Variants in ADA observed in about 807,000 individuals in gnomAD.
The protein encoded by ADA is adenosine deaminase, also known as adenosine aminohydrolase.
Under a neutral mutation model 49.0 loss-of-function variants are expected in ADA, and 45 were observed. The observed-to-expected ratio is 0.92, with a 90% CI of 0.72 to 1.18. The LOEUF is 1.18. ADA is among the 50% of genes most tolerant of loss of function. The pLI is 0.00. For synonymous variants in ADA, 173 were observed against 184.2 expected, an observed-to-expected ratio of 0.94 and a Z score of 0.49; for missense variants, 445 against 472.5, an observed-to-expected ratio of 0.94 and a Z score of 0.54.
At chr20:44,620,584 T>G (rs2123508828) in intron 10 of ADA, 183 bp from the exon 11 acceptor site, 1 of 666,022 alleles carries the variant, frequency 1.5e-6, no homozygotes. Context: ...TGTTCTTAAT[T>G]TGTCATTACA....
rs1455729635 is a variant in ADA, at chr20:44,620,372, G to C, written c.1005C>G (p.Leu335=). The C allele has an allele frequency of 5.6e-6, 9 of 1,614,104 alleles. No individual in the cohort carries two copies. The highest frequency in any genetic ancestry group is 1.3e-5 in the African/African-American group (1 of 74,936). ...LNINAAKSSF[L]PEDEKRELLD... Reference sequence around the variant, plus strand: ...GAAGCTCCCTCTTTTCATCTTCTGGGAGGAAACTAGATTTGGCCGCATTGA... The same window carrying C: ...GAAGCTCCCTCTTTTCATCTTCTGGCAGGAAACTAGATTTGGCCGCATTGA... The change falls in exon 11 of 12, where the codon CTC becomes CTG. Residue 335 remains leucine, a synonymous_variant. Transcript: ENST00000372874.
At chr20:44,639,284 A>C (rs1442746178) in intron 1 of ADA, among the ~76,000 whole-genome samples, 3 of 152,094 alleles carry the variant, frequency 2.0e-5, no homozygotes, top group Non-Finnish European at 4.4e-5. Context: ...GGTGGGGAGC[A>C]ATTCCCGCAG....
At chr20:44,632,236 G>A (rs1011735355) in intron 2 of ADA, among the ~76,000 whole-genome samples, 3 of 152,078 alleles carry the variant, frequency 2.0e-5, no homozygotes, top group African/African-American at 4.8e-5. Flanking sequence ...GGAAGCCGCG[G>A]GCATTGGAAG....
chr20:44,642,371 G>C (rs1473277644), intron 1 of ADA, among the ~76,000 whole-genome samples: 2 of 152,226 alleles, frequency 1.3e-5, no homozygotes, highest in Non-Finnish European at 2.9e-5. Flanking sequence ...ATAAGAAGCA[G>C]ACCAAGTGCT....
intron 1 of ADA, among the ~76,000 whole-genome samples, chr20:44,638,622 G>A (rs556310176): frequency 2.6e-5 from 4 of 152,252 alleles, no homozygotes; most frequent in South Asian, 2.1e-4. Flanking sequence ...GAAGGCCTGC[G>A]CTCCTGCTGG....
intron 1 of ADA, among the ~76,000 whole-genome samples, chr20:44,650,568 C>T (rs1373084816): frequency 2.0e-5 from 3 of 152,070 alleles, no homozygotes; most frequent in African/African-American, 4.8e-5. Flanking sequence ...GCTGGGACTA[C>T]GGGAGTGCAC....
chr20:44,628,752 G>T (rs1600927188), intron 3 of ADA, among the ~76,000 whole-genome samples: 5 of 151,982 alleles, frequency 3.3e-5, no homozygotes, highest in Admixed American at 3.3e-4. Context: ...CCTGAACTAG[G>T]AGATAGATGG....
Position 44,625,586 on chromosome 20 carries a change from C to A in ADA, c.461G>T (p.Cys154Phe). 1 of 1,585,124 alleles carries A rather than the reference C, an allele frequency of 6.3e-7. No homozygotes were observed. The highest frequency in any genetic ancestry group is 8.6e-7 in the Non-Finnish European group (1 of 1,165,906). The change falls in exon 5 of 12, where the codon TGC becomes TTC. Residue 154 changes from cysteine (C) to phenylalanine (F), a missense_variant. Physicochemically the swap from Cys to Phe is radical, Grantham distance 205. Coordinates refer to ENST00000372874, the MANE Select transcript of ADA (RefSeq NM_000022.4). ...FGVKARSILC[C>F]MRHQPNWSPK... ...CTACTCACTGGGCTGGTGGCGCATG[C>A]AGCACAGGATGGACCGGGCCTTGAC...
intron 2 of ADA, among the ~76,000 whole-genome samples, chr20:44,635,188 A>G (rs2065468956): frequency 6.6e-6 from 1 of 152,184 alleles, no homozygotes; most frequent in South Asian, 2.1e-4. Context: ...CTGGGTAGGA[A>G]GGGAAGAACC....
At chr20:44,630,520 CAGAACCCA>C (rs1297583097) in intron 2 of ADA, among the ~76,000 whole-genome samples, 4 of 152,088 alleles carry the variant, frequency 2.6e-5, no homozygotes, top group Non-Finnish European at 5.9e-5. Context: ...AGGGAACATT[CAGAACCCA>C]AGAACGAGCC....
rs1439032275 is a variant in ADA, at chr20:44,624,191, A to G, written c.606+11T>C. 2 of 1,606,392 alleles carry G rather than the reference A, an allele frequency of 1.2e-6. No individual in the cohort carries two copies. Among genetic ancestry groups the G allele is most frequent in the Non-Finnish European group, 1.7e-6 (2 of 1,176,040 alleles). Reference sequence around the variant, plus strand: ...AGGGCCAGCCTCTCCATTCCTTCTCACAGGACCCACCTGGTAGGCCTGGAC... The same window carrying G: ...AGGGCCAGCCTCTCCATTCCTTCTCGCAGGACCCACCTGGTAGGCCTGGAC... On this transcript the variant is annotated intron_variant, in intron 6 of 11. Transcript: ENST00000372874.
intron 1 of ADA, among the ~76,000 whole-genome samples, chr20:44,643,248 C>T (rs990564286): frequency 2.6e-5 from 4 of 152,134 alleles, no homozygotes; most frequent in African/African-American, 9.7e-5. Flanking sequence ...ATCCTTACAA[C>T]CAGCAAGGTA....
In ADA at chr20:44,623,084, A is replaced by C; in HGVS notation, c.607-6T>G. 1 of 1,613,974 alleles carries C rather than the reference A, an allele frequency of 6.2e-7. No individual in the cohort carries two copies. The highest frequency in any genetic ancestry group is 1.1e-5 in the South Asian group (1 of 91,078). On this transcript the variant is annotated splice_polypyrimidine_tract_variant and splice_region_variant and intron_variant, in intron 6 of 11. Coordinates refer to ENST00000372874, the MANE Select transcript of ADA (RefSeq NM_000022.4). ...ATGCCGCTCTTCACAGCCTCCTGGAAGGGGGAGAGCCAGGTCATGGGTGCC... is the reference window on the plus strand; with the variant it reads ...ATGCCGCTCTTCACAGCCTCCTGGACGGGGGAGAGCCAGGTCATGGGTGCC...
intron 1 of ADA, among the ~76,000 whole-genome samples, chr20:44,640,982 G>C (rs2145347709): frequency 6.6e-6 from 1 of 152,068 alleles, no homozygotes; most frequent in East Asian, 1.9e-4. Context: ...TTGGACTTCT[G>C]GCCCCCAGAA....
chr20:44,626,956 C>T (rs1255538288), intron 3 of ADA, among the ~76,000 whole-genome samples: 1 of 152,130 alleles, frequency 6.6e-6, no homozygotes, highest in Non-Finnish European at 1.5e-5. Context: ...AGCTTCCTGC[C>T]ACGGAGAGTG....
chr20:44,645,237 A>C (rs1326629797), intron 1 of ADA, among the ~76,000 whole-genome samples: 1 of 151,968 alleles, frequency 6.6e-6, no homozygotes, highest in African/African-American at 2.4e-5. Flanking sequence ...GTGTATCCCA[A>C]GTCCCAGCTA....
chr20:44,639,535 C>G (rs897019061), intron 1 of ADA, among the ~76,000 whole-genome samples: 2 of 152,124 alleles, frequency 1.3e-5, no homozygotes, highest in African/African-American at 4.8e-5. Context: ...GCCTCAGCCT[C>G]CCGAGTAGTT....
intron 1 of ADA, among the ~76,000 whole-genome samples, chr20:44,640,240 C>A (rs2065519143): frequency 1.3e-5 from 2 of 151,858 alleles, no homozygotes; most frequent in Admixed American, 6.6e-5. Flanking sequence ...ATGGTGAAAT[C>A]CCCTCTCTAT....
In ADA at chr20:44,651,695, C is replaced by T; in HGVS notation, c.-88G>A. 7.3e-7 allele frequency: 1 copy of T among 1,367,424 alleles called. No individual in the cohort carries two copies. The highest frequency in any genetic ancestry group is 9.4e-7 in the Non-Finnish European group (1 of 1,066,974). 84.7% of individuals were successfully genotyped at this position (1,367,424 alleles called of 1,614,324 possible). A position where few individuals can be genotyped will look rare whatever the true frequency, so the allele number is the denominator to read the frequency against. ...GGTGGCCGCTCGGCTTTCCCTGGGG[C>T]CAGCGGTGGCCGCGGCCGGCCACGC... On this transcript the variant is annotated 5_prime_UTR_variant, in exon 1 of 12. Transcript: ENST00000372874.
Sources: allele counts gnomAD v4.1 joint callset (sites outside exome capture counted in the v4.1 genomes callset), GRCh38; gene constraint gnomAD v4.1.1; transcripts MANE v1.5; gene names NCBI Gene and HGNC (gene_info 2026-07-23, HGNC 2026-07-21).